Variants in KATNIP observed in about 807,000 individuals in gnomAD.
KATNIP encodes the protein katanin-interacting protein.
A neutral mutation model predicts 174.0 loss-of-function variants in KATNIP; 126 were observed. That is an observed-to-expected ratio of 0.72 (90% CI 0.63 to 0.84). The LOEUF (loss-of-function observed/expected upper bound fraction) is 0.84, where lower values mean the gene tolerates loss of function less well. Ranked by LOEUF, KATNIP falls within the 40% of genes least tolerant of loss-of-function variation. The pLI is 0.00. For missense variants in KATNIP, 1,958 were observed against 2,109.7 expected (o/e 0.93, Z 1.41); for synonymous variants, 810 against 835.7 (o/e 0.97, Z 0.53).
At chr16:27,712,479 G>A (rs2079617440) in intron 13 of KATNIP, among the ~76,000 whole-genome samples, 1 of 152,186 alleles carries the variant, frequency 6.6e-6, no homozygotes, top group East Asian at 1.9e-4. Flanking sequence ...GTGAGGAAGA[G>A]GCACTTGCCC....
intron 2 of KATNIP, among the ~76,000 whole-genome samples, chr16:27,579,080 A>G (rs968001596): frequency 6.6e-6 from 1 of 152,212 alleles, no homozygotes; most frequent in Non-Finnish European, 1.5e-5. Flanking sequence ...AGTTTACTCA[A>G]AAATCATTAG....
intron 2 of KATNIP, among the ~76,000 whole-genome samples, chr16:27,590,067 T>C (rs2075118628): frequency 6.6e-6 from 1 of 152,130 alleles, no homozygotes; most frequent in Non-Finnish European, 1.5e-5. Flanking sequence ...TTACCAGCAA[T>C]GTAATTTTTT....
chr16:27,581,725 T>C (rs2090705339), intron 2 of KATNIP, among the ~76,000 whole-genome samples: 1 of 152,154 alleles, frequency 6.6e-6, no homozygotes, highest in South Asian at 2.1e-4. Flanking sequence ...TTTGTAGTCT[T>C]TTATCCCTCA....
At chr16:27,632,413 A>G in intron 5 of KATNIP, 1 of 319,454 alleles carries the variant, frequency 3.1e-6, no homozygotes, top group Non-Finnish European at 6.5e-6. Context: ...AGTTATGAAT[A>G]TTTATGAAAG....
At chr16:27,558,063 T>C (rs1314492017) in intron 1 of KATNIP, among the ~76,000 whole-genome samples, 1 of 152,258 alleles carries the variant, frequency 6.6e-6, no homozygotes, top group African/African-American at 2.4e-5. Context: ...GTACTTAGAA[T>C]TCTACTTTAG....
rs1004789900 is a variant in KATNIP at position 27,777,282 on chromosome 16, TG to T, written c.4551+257del. On this transcript the variant is annotated intron_variant, in intron 25 of 27. Coordinates refer to ENST00000261588, the MANE Select transcript of KATNIP (RefSeq NM_015202.5). This position sits in a 1 kb window ranked among gnomAD's most constrained non-coding sequence, Gnocchi z 4.4. The stretch of plus-strand genomic sequence containing the variant: ...CTTTTCCTCTAGAATCCCACTGGTT[TG>T]GGGCGGTGACCCTGGGATGGGGAAA... Among the ~76,000 whole-genome samples the T allele has an allele frequency of 4.7e-4, 72 of 152,150 alleles. No homozygotes were observed. Among genetic ancestry groups the T allele is most frequent in the Non-Finnish European group, 8.8e-4 (60 of 68,020 alleles).
chr16:27,582,624 G>C (rs1467729997), intron 2 of KATNIP, among the ~76,000 whole-genome samples: 1 of 152,148 alleles, frequency 6.6e-6, no homozygotes, highest in Admixed American at 6.5e-5. Flanking sequence ...TTGAGCTTGC[G>C]AACCCTGGAA....
intron 6 of KATNIP, among the ~76,000 whole-genome samples, chr16:27,674,196 C>A (rs1250360274): frequency 6.6e-6 from 1 of 152,206 alleles, no homozygotes; most frequent in Non-Finnish European, 1.5e-5. Context: ...AGGGGGAGAA[C>A]TCTAAAAAGA....
At chr16:27,594,458 C>A (rs1203463581) in intron 2 of KATNIP, among the ~76,000 whole-genome samples, 1 of 152,060 alleles carries the variant, frequency 6.6e-6, no homozygotes, top group Non-Finnish European at 1.5e-5. Flanking sequence ...CAGTCCCCAT[C>A]AAGGGCTCTG....
intron 13 of KATNIP, among the ~76,000 whole-genome samples, chr16:27,713,828 A>C (rs1190816395): frequency 1.6e-5 from 1 of 62,932 alleles, no homozygotes; most frequent in South Asian, 4.8e-4. Context: ...ATATATATAT[A>C]TATATATATA....
At chr16:27,660,378 G>A (rs570583410) in intron 6 of KATNIP, among the ~76,000 whole-genome samples, 30 of 152,232 alleles carry the variant, frequency 2.0e-4, no homozygotes, top group Admixed American at 4.6e-4. Context: ...GTGAAACCCC[G>A]TCTCTATTAA....
At chr16:27,673,093 A>G (rs111393420) in intron 6 of KATNIP, among the ~76,000 whole-genome samples, 1 of 152,316 alleles carries the variant, frequency 6.6e-6, no homozygotes, top group Non-Finnish European at 1.5e-5. Context: ...CCACCCCAGC[A>G]GAACAGAACC....
At chr16:27,685,430 GA>G (rs1224923887) in intron 8 of KATNIP, 1 of 151,990 alleles carries the variant, frequency 6.6e-6, no homozygotes, top group Non-Finnish European at 1.5e-5. Flanking sequence ...TGAAACTAGA[GA>G]GAAAACAAGA....
intron 5 of KATNIP, among the ~76,000 whole-genome samples, chr16:27,634,970 G>A (rs1272029941): frequency 6.6e-6 from 1 of 152,164 alleles, no homozygotes; most frequent in Non-Finnish European, 1.5e-5. Context: ...AGGCTGATGT[G>A]TGGAGATCAT....
At chr16:27,723,933 C>A (rs952202477) in intron 14 of KATNIP, among the ~76,000 whole-genome samples, 4 of 152,234 alleles carry the variant, frequency 2.6e-5, no homozygotes, top group African/African-American at 9.6e-5. Flanking sequence ...CACCTCGAGT[C>A]AGGAAACTAA....
chr16:27,643,578 G>A (rs2076867443), intron 5 of KATNIP, among the ~76,000 whole-genome samples: 1 of 105,546 alleles, frequency 9.5e-6, no homozygotes, highest in Non-Finnish European at 1.7e-5. Flanking sequence ...GTAACAGAGT[G>A]AGACTCTGTC....
intron 13 of KATNIP, among the ~76,000 whole-genome samples, chr16:27,720,569 C>T (rs1184405947): frequency 7.3e-6 from 1 of 136,612 alleles, no homozygotes; most frequent in Non-Finnish European, 1.5e-5. Context: ...TCTGGAATAA[C>T]CAGACACAAC....
intron 22 of KATNIP, 82 bp from the exon 23 acceptor site, chr16:27,773,017 A>T (rs1277105053): frequency 2.1e-5 from 16 of 768,500 alleles, no homozygotes; most frequent in Non-Finnish European, 3.4e-5. Flanking sequence ...AACCCAAAAC[A>T]ATTCCTCTTA....
intron 2 of KATNIP, among the ~76,000 whole-genome samples, chr16:27,578,569 A>C (rs2090582988): frequency 6.6e-6 from 1 of 151,924 alleles, no homozygotes; most frequent in East Asian, 1.9e-4. Flanking sequence ...GAGGCATTGG[A>C]AAGGTTACGG....
Sources: gnomAD v4.1 joint callset for allele counts (sites outside exome capture counted in the v4.1 genomes callset) on GRCh38, gnomAD v4.1.1 for gene constraint, Gnocchi (gnomAD v3.1) non-coding constraint, MANE v1.5 for transcripts, NCBI Gene and HGNC (gene_info 2026-07-23, HGNC 2026-07-21) for gene names.